Variants in FGD1 observed in about 807,000 individuals in gnomAD.
The protein encoded by FGD1 is FYVE, RhoGEF and PH domain containing 1, also known as FYVE, RhoGEF and PH domain-containing protein 1.
In FGD1, 12 loss-of-function variants were observed where a neutral mutation model predicts 65.0. The observed-to-expected ratio is 0.18, with a 90% confidence interval of 0.12 to 0.30. FGD1 has a LOEUF of 0.30. Among genes scored for constraint, FGD1 ranks in the 10% least tolerant of loss-of-function variants. FGD1 has a pLI of 1.00. For synonymous variants in FGD1, 333 were observed against 343.9 expected, an observed-to-expected ratio of 0.97 and a Z score of 0.35; for missense variants, 542 against 837.6, an observed-to-expected ratio of 0.65 and a Z score of 4.36.
At chrX:54,480,018 A>T (rs1923108320) in intron 1 of FGD1, among the ~76,000 whole-genome samples, 1 of 112,292 alleles carries the variant, frequency 8.9e-6, no homozygotes, top group African/African-American at 3.2e-5. Context: ...CCTGAAGTCG[A>T]CTATTCTTCT....
At chrX:54,481,125 T>C (rs758726337) in intron 1 of FGD1, among the ~76,000 whole-genome samples, 1 of 110,973 alleles carries the variant, frequency 9.0e-6, no homozygotes, top group South Asian at 3.8e-4. Context: ...TCTCACATGC[T>C]CTTGCCCTTG....
chrX:54,457,328 T>C (rs1401581972), intron 8 of FGD1, among the ~76,000 whole-genome samples: 2 of 111,862 alleles, frequency 1.8e-5, no homozygotes, highest in Non-Finnish European at 3.8e-5. Context: ...CTGTTCTTTG[T>C]CTCAATGATT....
intron 16 of FGD1, 130 bp from the exon 17 acceptor site, chrX:54,447,584 G>C (rs1922255517): frequency 2.7e-6 from 2 of 728,683 alleles, no homozygotes; most frequent in Non-Finnish European, 4.1e-6. Flanking sequence ...CAGGTGGCAG[G>C]AGTGATTTGT....
intron 12 of FGD1, among the ~76,000 whole-genome samples, chrX:54,453,857 T>C (rs770642444): frequency 1.8e-5 from 2 of 111,927 alleles, no homozygotes; most frequent in East Asian, 5.6e-4. Context: ...GGCAAAAAAC[T>C]AAGTCTTGAG....
At chrX:54,449,046 T>G in intron 15 of FGD1, 79 bp from the exon 16 acceptor site, 1 of 1,200,892 alleles carries the variant, frequency 8.3e-7, no homozygotes, top group South Asian at 1.8e-5. Flanking sequence ...AGCAGACTTG[T>G]GGCCTCCCCC....
chrX:54,457,746 G>A (rs779857200), intron 8 of FGD1, among the ~76,000 whole-genome samples: 210 of 109,715 alleles, frequency 1.9e-3, no homozygotes, highest in African/African-American at 6.0e-3. Context: ...GATAACAGGG[G>A]ATTTTTTTCC....
chrX:54,447,489 G>A (rs1325102056), intron 16 of FGD1, 35 bp from the exon 17 acceptor site: 2 of 1,197,518 alleles, frequency 1.7e-6, no homozygotes, highest in Non-Finnish European at 2.3e-6. Flanking sequence ...AATGTTGACA[G>A]AAGGCCTAGC....
chrX:54,487,438 C>T (rs1244836345), intron 1 of FGD1, among the ~76,000 whole-genome samples: 1 of 111,813 alleles, frequency 8.9e-6, no homozygotes, highest in Non-Finnish European at 1.9e-5. Context: ...GTCCAAATGC[C>T]TGCTTGCGAG....
At chrX:54,483,816 C>G (rs1455023547) in intron 1 of FGD1, among the ~76,000 whole-genome samples, 1 of 111,654 alleles carries the variant, frequency 9.0e-6, no homozygotes, top group Non-Finnish European at 1.9e-5. Context: ...AGGTTTATTC[C>G]TCTCCCTCAA....
chrX:54,494,254 T>A (rs1321054234), intron 1 of FGD1, among the ~76,000 whole-genome samples: 1 of 110,874 alleles, frequency 9.0e-6, no homozygotes, highest in Non-Finnish European at 1.9e-5. Context: ...TCCCTACCTA[T>A]CAGCCCCTCC....
chrX:54,490,731 T>C (rs1320433507), intron 1 of FGD1, among the ~76,000 whole-genome samples: 1 of 111,418 alleles, frequency 9.0e-6, no homozygotes, highest in Non-Finnish European at 1.9e-5. Context: ...TGTATATAGA[T>C]GGCCCCACCA....
At position 54,455,536 on chromosome X, in the gene FGD1, A is replaced by T; in HGVS notation, c.1936-9T>A. ...TTGGAGCTCTCCTTTAGCTGAATGG[A>T]GGCAGAAAGGGGCATGGTGAGGCCA... On this transcript the variant is annotated splice_polypyrimidine_tract_variant and intron_variant, in intron 11 of 17. Coordinates refer to ENST00000375135, the MANE Select transcript of FGD1 (RefSeq NM_004463.3). 1 of 1,192,899 alleles carries T rather than the reference A, an allele frequency of 8.4e-7. No individual in the cohort carries two copies. The highest frequency in any genetic ancestry group is 1.1e-6 in the Non-Finnish European group (1 of 878,403).
rs1202356204 is a variant in FGD1, at chrX:54,470,694, G to A, written c.548C>T (p.Pro183Leu). Residue 183 changes from proline to leucine, a missense_variant, in exon 3 of 18, where the codon CCA becomes CTA. Around this residue, in one of 6 missense-constraint regions of FGD1, gnomAD observed 297 missense variants for 326.8 expected, o/e 0.91. Transcript: ENST00000375135. The part of the protein sequence containing the change: ...MPPPLEPIPP[P>L]PSRPLPADPR... ...GTCGGCAGGCAGTGGGCGTGATGGT[G>A]GAGGGGGGATGGGCTCCAGTGGGGG... The A allele has an allele frequency of 9.6e-7, 1 of 1,038,797 alleles. No homozygotes were observed. The highest frequency in any genetic ancestry group is 1.3e-6 in the Non-Finnish European group (1 of 752,102). 85.6% of individuals were successfully genotyped at this position (1,038,797 alleles called of 1,213,427 possible).
intron 1 of FGD1, among the ~76,000 whole-genome samples, chrX:54,473,149 A>G (rs1449976838): frequency 8.9e-6 from 1 of 111,732 alleles, no homozygotes; most frequent in Non-Finnish European, 1.9e-5. Context: ...TGCAGTCACA[A>G]AGACACAGAG....
chrX:54,475,829 G>A (rs1329081956), intron 1 of FGD1, among the ~76,000 whole-genome samples: 1 of 112,255 alleles, frequency 8.9e-6, no homozygotes, highest in Non-Finnish European at 1.9e-5. Flanking sequence ...TACTTTGGGA[G>A]GCTGAGGTGG....
At chrX:54,494,143 A>G (rs1023869601) in intron 1 of FGD1, among the ~76,000 whole-genome samples, 54 of 112,144 alleles carry the variant, frequency 4.8e-4, no homozygotes, top group Non-Finnish European at 1.9e-4. Flanking sequence ...TTTCAAATCC[A>G]AGAAACCATC....
At chrX:54,482,213 G>GGCACATGCGCGC (rs1923157488) in intron 1 of FGD1, among the ~76,000 whole-genome samples, 1 of 96,852 alleles carries the variant, frequency 1.0e-5, no homozygotes, top group Non-Finnish European at 1.9e-5. Context: ...AAGAAGGCCA[G>GGCACATGCGCGC]GCACATGCGC....
At chrX:54,473,536 A>T (rs1922944435) in intron 1 of FGD1, among the ~76,000 whole-genome samples, 1 of 112,375 alleles carries the variant, frequency 8.9e-6, no homozygotes, top group South Asian at 3.6e-4. Context: ...CGGCCTCTGC[A>T]TGGAGGCTGA....
At chrX:54,447,069 C>G (rs992845743) in intron 17 of FGD1, among the ~76,000 whole-genome samples, 2 of 111,520 alleles carry the variant, frequency 1.8e-5, no homozygotes, top group African/African-American at 6.5e-5. Flanking sequence ...TAGCAGTTCC[C>G]CATCTCTACT....
Sources: allele counts gnomAD v4.1 joint callset (sites outside exome capture counted in the v4.1 genomes callset), GRCh38; gene constraint gnomAD v4.1.1; regional missense constraint gnomAD v4.1.1; transcripts MANE v1.5; gene names NCBI Gene and HGNC (gene_info 2026-07-23, HGNC 2026-07-21).